Variants in SGMS1 observed in about 807,000 individuals in gnomAD.
The protein encoded by SGMS1 is phosphatidylcholine:ceramide cholinephosphotransferase 1.
Under a neutral mutation model 46.2 loss-of-function variants are expected in SGMS1, and 13 were observed. The observed-to-expected ratio is 0.28, with a 90% CI of 0.18 to 0.45. The LOEUF is 0.45. Ranked by LOEUF, SGMS1 falls within the 20% of genes least tolerant of loss-of-function variation. The pLI is 1.00. For synonymous variants in SGMS1, 203 were observed against 187.8 expected (o/e 1.08, Z -0.66); for missense variants, 324 against 519.9 (o/e 0.62, Z 3.66).
At chr10:50,348,042 T>A (rs1186565437) in intron 6 of SGMS1, among the ~76,000 whole-genome samples, 1 of 152,094 alleles carries the variant, frequency 6.6e-6, no homozygotes, top group African/African-American at 2.4e-5. Context: ...CCCTACCCTA[T>A]GACAGGCCCC....
intron 2 of SGMS1, among the ~76,000 whole-genome samples, chr10:50,584,926 T>C (rs1240289961): frequency 6.6e-6 from 1 of 152,222 alleles, no homozygotes; most frequent in African/African-American, 2.4e-5. Context: ...ACTTGCTTCC[T>C]TTACATTGGT....
chr10:50,378,801 C>T (rs1250625705), intron 6 of SGMS1, among the ~76,000 whole-genome samples: 3 of 152,124 alleles, frequency 2.0e-5, no homozygotes, highest in Non-Finnish European at 2.9e-5. Flanking sequence ...CTGATGTTTA[C>T]TATCCATTTT....
At chr10:50,463,801 A>G (rs1351053442) in intron 4 of SGMS1, among the ~76,000 whole-genome samples, 1 of 152,252 alleles carries the variant, frequency 6.6e-6, no homozygotes, top group South Asian at 2.1e-4. Context: ...ATGAATAAAG[A>G]AAACATGGTA....
At chr10:50,466,119 T>G (rs1284826448) in intron 4 of SGMS1, among the ~76,000 whole-genome samples, 2 of 152,132 alleles carry the variant, frequency 1.3e-5, no homozygotes, top group African/African-American at 4.8e-5. Context: ...TAAATGGCAC[T>G]TAGAGCATAT....
chr10:50,495,053 AAAAAAAAATACAAAAAATAC>A (rs1837600858), intron 3 of SGMS1, among the ~76,000 whole-genome samples: 1 of 74,720 alleles, frequency 1.3e-5, no homozygotes, highest in East Asian at 3.4e-4. Context: ...AAAATAAAAT[AAAAAAAAATACAAAAAATAC>A]AAAAAAAAAA....
At chr10:50,440,165 A>G (rs1409060121) in intron 5 of SGMS1, among the ~76,000 whole-genome samples, 1 of 152,014 alleles carries the variant, frequency 6.6e-6, no homozygotes, top group Non-Finnish European at 1.5e-5. Flanking sequence ...GTGCAATGAT[A>G]TTGCCCCCAA....
chr10:50,421,960 C>G (rs774535526), intron 6 of SGMS1, among the ~76,000 whole-genome samples: 7 of 152,148 alleles, frequency 4.6e-5, no homozygotes, highest in Non-Finnish European at 1.0e-4. Flanking sequence ...TCACACCATG[C>G]CCCCTGCCTG....
intron 2 of SGMS1, among the ~76,000 whole-genome samples, chr10:50,531,971 C>T (rs1812470448): frequency 6.6e-6 from 1 of 152,152 alleles, no homozygotes; most frequent in Non-Finnish European, 1.5e-5. Context: ...CAAATTCTGG[C>T]TTGGGACTGA....
intron 2 of SGMS1, among the ~76,000 whole-genome samples, chr10:50,524,715 A>G (rs894174298): frequency 2.0e-5 from 3 of 152,318 alleles, no homozygotes; most frequent in Admixed American, 6.5e-5. Context: ...AATGTCACGC[A>G]GCTGGGGAGT....
At chr10:50,440,278 AT>A (rs1849526642) in intron 5 of SGMS1, among the ~76,000 whole-genome samples, 3 of 150,146 alleles carry the variant, frequency 2.0e-5, no homozygotes, top group African/African-American at 4.9e-5. Flanking sequence ...ATTAAAAAAT[AT>A]ATATATATAT....
intron 8 of SGMS1, among the ~76,000 whole-genome samples, chr10:50,326,153 TA>T (rs1037547368): frequency 3.3e-5 from 5 of 149,520 alleles, no homozygotes; most frequent in Non-Finnish European, 7.4e-5. Flanking sequence ...TAGCAAAAAA[TA>T]AAAAAAATTA....
In SGMS1 at chr10:50,623,758, G is replaced by A. The variant is rs937574884; in HGVS notation, c.-735C>T. ...GAATTCCGCTCGCGGAGCCCCCGCC[G>A]CGGAATGAAATCCGGGGCAGGGCAG... On this transcript the variant is annotated 5_prime_UTR_variant, in exon 1 of 11. Coordinates refer to ENST00000361781, the MANE Select transcript of SGMS1 (RefSeq NM_147156.4). 1.4e-5 allele frequency: 14 copies of A among 985,368 alleles called. No individual in the cohort carries two copies. The African/African-American group carries it at 2.1e-4, about 15-fold the overall frequency. 61.0% of individuals were successfully genotyped at this position (985,368 alleles called of 1,614,324 possible).
chr10:50,350,134 T>C (rs559907377), intron 6 of SGMS1, among the ~76,000 whole-genome samples: 1 of 152,324 alleles, frequency 6.6e-6, no homozygotes, highest in African/African-American at 2.4e-5. Context: ...GAGGAACTTG[T>C]TGGGAACTGG....
In SGMS1 at chr10:50,392,583, G is replaced by A. The variant is rs112183953; in HGVS notation, c.-232+40893C>T. Among the ~76,000 whole-genome samples, 550 of 152,262 alleles carry A rather than the reference G, an allele frequency of 3.6e-3. 1 individual carries two copies. The highest frequency in any genetic ancestry group is 0.011 in the African/African-American group (469 of 41,540). ...ATCCATGAAGACCAGCCCAGCAAGC[G>A]CCATGCAAAGGACAACACTACCAGA... is the stretch of plus-strand genomic sequence containing the variant. On this transcript the variant is annotated intron_variant, in intron 6 of 10. Coordinates refer to ENST00000361781, the MANE Select transcript of SGMS1 (RefSeq NM_147156.4).
At chr10:50,335,428 G>A (rs999341622) in intron 7 of SGMS1, 3 of 152,198 alleles carry the variant, frequency 2.0e-5, no homozygotes, top group Non-Finnish European at 4.4e-5. Flanking sequence ...CAATCCTCAA[G>A]ACAGCATTAT....
intron 6 of SGMS1, among the ~76,000 whole-genome samples, chr10:50,365,513 C>G (rs1848325222): frequency 6.6e-6 from 1 of 151,970 alleles, no homozygotes; most frequent in Non-Finnish European, 1.5e-5. Context: ...TCTGCGGTAC[C>G]TATTAACCCA....
intron 7 of SGMS1, among the ~76,000 whole-genome samples, chr10:50,332,472 G>GGGGGTGCA (rs1199204554): frequency 4.6e-5 from 7 of 151,954 alleles, no homozygotes; most frequent in African/African-American, 1.4e-4. Flanking sequence ...CATATTCTGT[G>GGGGGTGCA]GAAGCTAACT....
intron 6 of SGMS1, among the ~76,000 whole-genome samples, chr10:50,367,775 C>A (rs1382023350): frequency 6.6e-6 from 1 of 152,180 alleles, no homozygotes; most frequent in African/African-American, 2.4e-5. Context: ...TCCCAAACTT[C>A]CAGGTCCCAC....
intron 6 of SGMS1, among the ~76,000 whole-genome samples, chr10:50,427,383 A>C (rs1279060692): frequency 1.3e-5 from 2 of 152,240 alleles, no homozygotes; most frequent in Non-Finnish European, 2.9e-5. Context: ...TGTGTAACAG[A>C]GCGAGACTCC....
Sources: gnomAD v4.1 joint callset for allele counts (sites outside exome capture counted in the v4.1 genomes callset) on GRCh38, gnomAD v4.1.1 for gene constraint, MANE v1.5 for transcripts, NCBI Gene and HGNC (gene_info 2026-07-23, HGNC 2026-07-21) for gene names.